CEP162: variants seen among roughly 807,000 people sequenced by gnomAD.
The protein encoded by CEP162 is centrosomal protein 162.
Under a neutral mutation model 169.2 loss-of-function variants are expected in CEP162, and 141 were observed. The ratio of observed to expected loss-of-function variants is 0.83; its 90% CI spans 0.73 to 0.96. The LOEUF is 0.96. Ranked by LOEUF, CEP162 falls within the 40% of genes least tolerant of loss-of-function variation. The probability of loss-of-function intolerance (pLI) is 0.00; values close to 1 mark genes in which losing one functional copy is unlikely to be tolerated. For missense variants in CEP162, 1,600 were observed against 1,587.2 expected (o/e 1.01, Z -0.14); for synonymous variants, 540 against 526.4 (o/e 1.03, Z -0.35).
chr6:84,180,742 A>G (rs2099534456), intron 13 of CEP162, among the ~76,000 whole-genome samples: 1 of 152,162 alleles, frequency 6.6e-6, no homozygotes, highest in Non-Finnish European at 1.5e-5. Flanking sequence ...ACTCCCATTC[A>G]CAATTGCTTC....
rs148583530 is a variant in CEP162, at chr6:84,140,280, G to C, written c.3870+6407C>G. On this transcript the variant is annotated intron_variant, in intron 25 of 26. Coordinates refer to ENST00000403245, the MANE Select transcript of CEP162 (RefSeq NM_014895.4). ...AAACTTTGTTGTTTGGTTGATACTG[G>C]GAGAGTCCTATCCCAGCAGTGCCTG... Among the ~76,000 whole-genome samples, 1,496 of 152,088 alleles carry C rather than the reference G, an allele frequency of 9.8e-3. 17 individuals are homozygous for C. Among genetic ancestry groups the C allele is most frequent in the Non-Finnish European group, 0.014 (983 of 67,988 alleles).
Position 84,226,411 on chromosome 6 carries a change from T to G in CEP162, c.-18A>C. ...TTAGCCATAGTCAACAATTTTGACC[T>G]CCCAAAGTAAACATTCTAAAGTACC... On this transcript the variant is annotated 5_prime_UTR_variant, in exon 2 of 27. Coordinates refer to ENST00000403245, the MANE Select transcript of CEP162 (RefSeq NM_014895.4). The G allele has an allele frequency of 6.4e-7, 1 of 1,552,026 alleles. No individual in the cohort carries two copies. Among genetic ancestry groups the G allele is most frequent in the Non-Finnish European group, 8.8e-7 (1 of 1,141,332 alleles).
chr6:84,186,621 G>A lies in CEP162; in HGVS notation c.1112C>T (p.Ser371Phe). The A allele has an allele frequency of 1.3e-6, 2 of 1,597,984 alleles. No homozygotes were observed. Among genetic ancestry groups the A allele is most frequent in the East Asian group, 2.2e-5 (1 of 44,672 alleles). The change falls in exon 12 of 27, where the codon TCT becomes TTT. Residue 371 changes from serine (S) to phenylalanine (F), a missense_variant and splice_region_variant. By Grantham distance (155) the Ser-to-Phe change is radical (BLOSUM62 -2). Coordinates refer to ENST00000403245, the MANE Select transcript of CEP162 (RefSeq NM_014895.4). ...TTCTTTTCTTTCGGCCACTTTCTCA[G>A]AGCTATAAAACAAAACAGGACACAG... ...ISGFDLQPVSSEKVAERKETE... is the reference protein window; with the variant it reads ...ISGFDLQPVSFEKVAERKETE...
intron 11 of CEP162, among the ~76,000 whole-genome samples, chr6:84,192,263 G>T (rs186220682): frequency 3.9e-5 from 6 of 152,114 alleles, no homozygotes; most frequent in Non-Finnish European, 7.3e-5. Context: ...TTTCTATTAC[G>T]TATGATTACT....
intron 17 of CEP162, 67 bp from the exon 18 acceptor site, chr6:84,169,500 T>C (rs2099529143): frequency 1.1e-6 from 1 of 906,802 alleles, no homozygotes; most frequent in East Asian, 2.7e-5. Context: ...GTAGAAAATA[T>C]TCAATTCTTA....
At chr6:84,172,982 T>C (rs2099530795) in intron 16 of CEP162, among the ~76,000 whole-genome samples, 1 of 152,204 alleles carries the variant, frequency 6.6e-6, no homozygotes, top group African/African-American at 2.4e-5. Context: ...TCATTACACA[T>C]TGCAAACATC....
chr6:84,215,561 A>C, intron 4 of CEP162, 96 bp from the exon 5 acceptor site: 3 of 1,208,048 alleles, frequency 2.5e-6, no homozygotes, highest in Non-Finnish European at 3.3e-6. Flanking sequence ...GTAAATTTTA[A>C]AAATTTTACA....
intron 25 of CEP162, among the ~76,000 whole-genome samples, chr6:84,139,540 G>A (rs1406824753): frequency 6.6e-6 from 1 of 152,166 alleles, no homozygotes; most frequent in Non-Finnish European, 1.5e-5. Context: ...TTTTGGCAAT[G>A]CAGATGGGAC....
intron 7 of CEP162, among the ~76,000 whole-genome samples, chr6:84,203,340 A>G (rs1003551960): frequency 6.6e-6 from 1 of 152,278 alleles, no homozygotes; most frequent in African/African-American, 2.4e-5. Flanking sequence ...GTCATACCAA[A>G]GAAAAAGTAT....
Position 84,174,865 on chromosome 6 carries a change from C to A in CEP162, c.1887G>T (p.Ala629=). The A allele has an allele frequency of 6.2e-7, 1 of 1,610,182 alleles. No homozygotes were observed. Among genetic ancestry groups the A allele is most frequent in the Non-Finnish European group, 8.5e-7 (1 of 1,177,786 alleles). The change falls in exon 15 of 27, where the codon GCG becomes GCT. Residue 629 remains alanine (A), a synonymous_variant. Transcript: ENST00000403245. ...CTTTAATTTGCTCAATTAGGGCTTG[C>A]GCACCCCTCCATTTATCCTCTGCTT... is the stretch of plus-strand genomic sequence containing the variant. ...VQEAEDKWRG[A]QALIEQIKAT...
chr6:84,192,339 C>A lies in CEP162; in HGVS notation c.1109+1270G>T, dbSNP rs142884971. The stretch of plus-strand genomic sequence containing the variant: ...AATGTAAAAATCTGTTTTAGAATTC[C>A]TATTACTGAAATGGTTTTACCTATA... On this transcript the variant is annotated intron_variant, in intron 11 of 26. Transcript: ENST00000403245. 5.0e-3 allele frequency among the ~76,000 whole-genome samples: 757 copies of A among 152,238 alleles called. 7 individuals are homozygous for A. Among genetic ancestry groups the A allele is most frequent in the African/African-American group, 0.018 (737 of 41,546 alleles).
At chr6:84,138,885 G>A (rs2099515298) in intron 25 of CEP162, among the ~76,000 whole-genome samples, 1 of 152,158 alleles carries the variant, frequency 6.6e-6, no homozygotes, top group African/African-American at 2.4e-5. Flanking sequence ...AATGCACAAT[G>A]CTGAACTAGC....
chr6:84,133,887 A>G (rs976907958), intron 25 of CEP162, among the ~76,000 whole-genome samples: 9 of 152,156 alleles, frequency 5.9e-5, no homozygotes, highest in Non-Finnish European at 2.9e-5. Context: ...AGCCCCAGTG[A>G]GATGAACCTG....
chr6:84,153,612 TAG>T (rs1316094309), intron 22 of CEP162, among the ~76,000 whole-genome samples: 1 of 152,154 alleles, frequency 6.6e-6, no homozygotes, highest in Non-Finnish European at 1.5e-5. Context: ...ATTACTTTCA[TAG>T]AGAGTAAAAT....
chr6:84,186,714 CACTA>C, intron 11 of CEP162, 91 bp from the exon 12 acceptor site: 1 of 1,019,528 alleles, frequency 9.8e-7, no homozygotes. Context: ...CACGCAGACA[CACTA>C]TATATTTGAA....
At chr6:84,132,002 G>A (rs2099511733) in intron 25 of CEP162, among the ~76,000 whole-genome samples, 1 of 152,106 alleles carries the variant, frequency 6.6e-6, no homozygotes, top group East Asian at 1.9e-4. Flanking sequence ...TCCACGTTTA[G>A]TGCTTCCTTC....
intron 6 of CEP162, among the ~76,000 whole-genome samples, chr6:84,205,797 A>T (rs547680715): frequency 6.6e-6 from 1 of 151,792 alleles, no homozygotes; most frequent in South Asian, 2.1e-4. Context: ...TTTGCAGATG[A>T]CATGATTGTA....
intron 22 of CEP162, among the ~76,000 whole-genome samples, chr6:84,154,847 TG>T (rs1215778557): frequency 6.6e-6 from 1 of 152,194 alleles, no homozygotes; most frequent in Non-Finnish European, 1.5e-5. Context: ...CACAAAATAA[TG>T]GAAAACTCAG....
chr6:84,169,203 T>C (rs1562035790), intron 18 of CEP162, 125 bp downstream of exon 18: 1 of 618,332 alleles, frequency 1.6e-6, no homozygotes, highest in East Asian at 3.0e-5. Context: ...AAGTTTTAAA[T>C]GGTATGAAAT....
Sources: allele counts gnomAD v4.1 joint callset (sites outside exome capture counted in the v4.1 genomes callset), GRCh38; gene constraint gnomAD v4.1.1; transcripts MANE v1.5; gene names NCBI Gene and HGNC (gene_info 2026-07-23, HGNC 2026-07-21).